The following GLI2 variants were observed in gnomAD, a reference collection of about 807,000 sequenced individuals.
The protein encoded by GLI2 is GLI family zinc finger 2.
In GLI2, 22 loss-of-function variants were observed where a neutral mutation model predicts 78.9. That is an observed-to-expected ratio of 0.28 (90% CI 0.20 to 0.40). GLI2 has a LOEUF of 0.40. GLI2 is among the 10% of genes least tolerant of loss of function. The probability of loss-of-function intolerance (pLI) is 1.00; values close to 1 mark genes in which losing one functional copy is unlikely to be tolerated. For synonymous variants in GLI2, 974 were observed against 963.7 expected (o/e 1.01, Z -0.20); for missense variants, 2,097 against 2,213.2 (o/e 0.95, Z 1.05).
chr2:120,847,493 G>C (rs1224681780), intron 2 of GLI2, among the ~76,000 whole-genome samples: 1 of 152,126 alleles, frequency 6.6e-6, no homozygotes, highest in East Asian at 1.9e-4. Context: ...TGAAGATCAG[G>C]AGGAAGAGAA....
At chr2:120,784,549 GA>G (rs1272746177) in intron 1 of GLI2, among the ~76,000 whole-genome samples, 4 of 152,068 alleles carry the variant, frequency 2.6e-5, no homozygotes, top group African/African-American at 9.7e-5. Flanking sequence ...CCCAGATAAG[GA>G]GTTTGAATGT....
At chr2:120,895,202 C>G (rs1677885595) in intron 2 of GLI2, among the ~76,000 whole-genome samples, 1 of 152,188 alleles carries the variant, frequency 6.6e-6, no homozygotes, top group Non-Finnish European at 1.5e-5. Flanking sequence ...TCCTTGGAAA[C>G]TGGGAGGGAA....
intron 2 of GLI2, among the ~76,000 whole-genome samples, chr2:120,822,550 G>A (rs527351899): frequency 2.6e-5 from 4 of 152,194 alleles, no homozygotes; most frequent in East Asian, 1.9e-4. Context: ...AAATGCCTCC[G>A]CAAATCACCT....
intron 3 of GLI2, among the ~76,000 whole-genome samples, chr2:120,946,260 G>A (rs1341316392): frequency 2.0e-5 from 3 of 152,150 alleles, no homozygotes; most frequent in African/African-American, 4.8e-5. Flanking sequence ...TGTTGGGAGC[G>A]TGAAGAAATG....
chr2:120,816,659 A>AG (rs11441055), intron 2 of GLI2, among the ~76,000 whole-genome samples: 1 of 151,740 alleles, frequency 6.6e-6, no homozygotes, highest in Non-Finnish European at 1.5e-5. Flanking sequence ...TAAAAAAAAA[A>AG]GTAAGAAGAG....
intron 3 of GLI2, among the ~76,000 whole-genome samples, chr2:120,946,364 C>T (rs904130949): frequency 6.6e-5 from 10 of 152,146 alleles, no homozygotes; most frequent in Admixed American, 1.3e-4. Context: ...CTGAGCTGAG[C>T]GGCCTGCAGA....
intron 1 of GLI2, among the ~76,000 whole-genome samples, chr2:120,787,475 CT>C (rs2104678716): frequency 6.6e-6 from 1 of 152,280 alleles, no homozygotes; most frequent in Non-Finnish European, 1.5e-5. Flanking sequence ...GTCTGGGTGC[CT>C]GTGGCTCCCG....
At chr2:120,970,272 G>A (rs1682074854) in intron 6 of GLI2, 121 bp from the exon 7 acceptor site, 1 of 657,742 alleles carries the variant, frequency 1.5e-6, no homozygotes, top group South Asian at 1.7e-5. Context: ...CCACGGTGAT[G>A]GTGGGGCTAG....
At chr2:120,787,953 C>T (rs1259297205) in intron 1 of GLI2, among the ~76,000 whole-genome samples, 1 of 152,182 alleles carries the variant, frequency 6.6e-6, no homozygotes, top group Non-Finnish European at 1.5e-5. Context: ...AGGAGGATGC[C>T]TGGATGGGAC....
At chr2:120,833,404 G>A (rs528844123) in intron 2 of GLI2, among the ~76,000 whole-genome samples, 50 of 152,260 alleles carry the variant, frequency 3.3e-4, no homozygotes, top group African/African-American at 1.0e-3. Context: ...TCTATACCAA[G>A]TTCTGGGAAC....
intron 3 of GLI2, among the ~76,000 whole-genome samples, chr2:120,940,645 G>T (rs1370342296): frequency 6.6e-6 from 1 of 152,226 alleles, no homozygotes; most frequent in Non-Finnish European, 1.5e-5. Flanking sequence ...CTGGCATGGT[G>T]ATTCGGCCAA....
chr2:120,988,160 G>A, intron 13 of GLI2, 48 bp from the exon 14 acceptor site: 10 of 1,526,900 alleles, frequency 6.5e-6, no homozygotes, highest in Non-Finnish European at 8.8e-6. Context: ...GTCAAAGCAA[G>A]CAGCCACCCA....
In GLI2 at chr2:120,833,694, C is replaced by T. The variant is rs912586633; in HGVS notation, c.148+36226C>T. Among the ~76,000 whole-genome samples, 6 of 152,148 alleles carry T rather than the reference C, an allele frequency of 3.9e-5. 1 individual carries two copies. Among genetic ancestry groups the T allele is most frequent in the Non-Finnish European group, 7.3e-5 (5 of 68,030 alleles). On this transcript the variant is annotated intron_variant, in intron 2 of 13. Coordinates refer to ENST00000361492, the MANE Select transcript of GLI2 (RefSeq NM_001374353.1). ...CCACCACCGAGGTCAGCTCCTGCCA[C>T]GCTTCTGGTCATCAACAGGACTGCC...
chr2:120,793,056 T>C (rs1684223347), intron 1 of GLI2, among the ~76,000 whole-genome samples: 1 of 152,208 alleles, frequency 6.6e-6, no homozygotes, highest in Admixed American at 6.5e-5. Context: ...CTGCCTAGAC[T>C]TGGGGAATCA....
intron 2 of GLI2, among the ~76,000 whole-genome samples, chr2:120,912,844 G>T (rs1678896103): frequency 6.6e-6 from 1 of 152,148 alleles, no homozygotes; most frequent in African/African-American, 2.4e-5. Context: ...CAAGGGAGGT[G>T]CTGTCGACCA....
At chr2:120,869,825 C>G (rs1245318799) in intron 2 of GLI2, among the ~76,000 whole-genome samples, 2 of 152,066 alleles carry the variant, frequency 1.3e-5, no homozygotes, top group Admixed American at 6.5e-5. Flanking sequence ...TCCCCAAGGT[C>G]AAAGGACACC....
At chr2:120,929,999 A>T (rs1426077696) in intron 3 of GLI2, among the ~76,000 whole-genome samples, 1 of 152,216 alleles carries the variant, frequency 6.6e-6, no homozygotes, top group African/African-American at 2.4e-5. Flanking sequence ...TTTCTTGCTC[A>T]TGAGTCATGT....
intron 1 of GLI2, among the ~76,000 whole-genome samples, chr2:120,758,882 C>T (rs1683123146): frequency 6.6e-6 from 1 of 152,174 alleles, no homozygotes; most frequent in Non-Finnish European, 1.5e-5. Context: ...GTGGTGGTGA[C>T]TTTTCCAGGG....
chr2:120,942,137 C>A (rs999105472), intron 3 of GLI2, among the ~76,000 whole-genome samples: 1 of 152,214 alleles, frequency 6.6e-6, no homozygotes, highest in Non-Finnish European at 1.5e-5. Context: ...AGGGCCAACT[C>A]TAGGCCAATG....
Sources: gnomAD v4.1 joint callset for allele counts (sites outside exome capture counted in the v4.1 genomes callset) on GRCh38, gnomAD v4.1.1 for gene constraint, MANE v1.5 for transcripts, NCBI Gene and HGNC (gene_info 2026-07-23, HGNC 2026-07-21) for gene names.